The following TSC22D1 variants were observed in gnomAD, a reference collection of about 807,000 sequenced individuals.
TSC22D1 encodes TSC22 domain family member 1.
In TSC22D1, 9 loss-of-function variants were observed where a neutral mutation model predicts 74.2. The ratio of observed to expected loss-of-function variants is 0.12; its 90% CI spans 0.07 to 0.21. TSC22D1 has a LOEUF of 0.21. TSC22D1 is among the 10% of genes least tolerant of loss of function. TSC22D1 has a pLI of 1.00. For missense variants in TSC22D1, 1,427 were observed against 1,304.7 expected, an observed-to-expected ratio of 1.09 and a Z score of -1.44; for synonymous variants, 586 against 492.5, an observed-to-expected ratio of 1.19 and a Z score of -2.51.
intron 1 of TSC22D1, among the ~76,000 whole-genome samples, chr13:44,476,036 C>A (rs192792664): frequency 6.6e-6 from 1 of 152,200 alleles, no homozygotes; most frequent in Non-Finnish European, 1.5e-5. Context: ...ATATAATATA[C>A]TCTGGGGACT....
At chr13:44,453,126 A>G (rs974078970) in intron 1 of TSC22D1, among the ~76,000 whole-genome samples, 6 of 152,342 alleles carry the variant, frequency 3.9e-5, no homozygotes, top group Middle Eastern at 3.4e-3. Flanking sequence ...AAGTTATCTC[A>G]GCAAACTAGT....
At chr13:44,435,090 G>C (rs900388378) in intron 2 of TSC22D1, 3 of 535,340 alleles carry the variant, frequency 5.6e-6, no homozygotes, top group African/African-American at 2.0e-5. Flanking sequence ...CTTTGTAAAA[G>C]TCTGTGCTTC....
intron 1 of TSC22D1, among the ~76,000 whole-genome samples, chr13:44,558,237 C>T (rs1882815682): frequency 1.3e-5 from 2 of 152,212 alleles, no homozygotes; most frequent in Non-Finnish European, 1.5e-5. Flanking sequence ...TAATGGAATA[C>T]TGACTAGCTC....
chr13:44,446,353 G>A (rs2138888902), intron 1 of TSC22D1, among the ~76,000 whole-genome samples: 1 of 152,292 alleles, frequency 6.6e-6, no homozygotes, highest in African/African-American at 2.4e-5. Context: ...CCAGAAACTT[G>A]GGGTAGGGGA....
chr13:44,525,204 A>G (rs1263842176), intron 1 of TSC22D1, among the ~76,000 whole-genome samples: 1 of 152,188 alleles, frequency 6.6e-6, no homozygotes, highest in East Asian at 1.9e-4. Context: ...AGGACTACAT[A>G]CAGACTATTC....
chr13:44,489,410 G>A (rs1420793175), intron 1 of TSC22D1, among the ~76,000 whole-genome samples: 3 of 151,228 alleles, frequency 2.0e-5, no homozygotes, highest in Non-Finnish European at 4.4e-5. Context: ...ATCAATAAGA[G>A]AACAAAAATT....
intron 1 of TSC22D1, among the ~76,000 whole-genome samples, chr13:44,544,042 G>A (rs748398710): frequency 6.6e-6 from 1 of 152,174 alleles, no homozygotes; most frequent in Non-Finnish European, 1.5e-5. Context: ...GCAGTGAGCT[G>A]AGACTGTGCC....
chr13:44,574,449 T>C lies in TSC22D1; in HGVS notation c.1626A>G (p.Ser542=), dbSNP rs1884041414. 3.7e-6 allele frequency: 6 copies of C among 1,614,228 alleles called. No homozygotes were observed. The East Asian group carries it at 1.3e-4, about 36-fold the overall frequency. Residue 542 remains serine, a synonymous_variant, in exon 1 of 3, where the codon TCA becomes TCG. Coordinates refer to ENST00000458659, the MANE Select transcript of TSC22D1 (RefSeq NM_183422.4). ...AVSIPQSISQ[S]QISQVQLQSQ... ...ACTGTAATTGTACTTGTGAGATCTG[T>C]GACTGAGAAATACTCTGTGGTATAC...
chr13:44,576,181 G>A lies in TSC22D1; in HGVS notation c.-107C>T. ...GAAAACGGGACCTGACGCTCCGCCTGGCGCGATTCCTCCTTCTCCTCCTCC... is the reference window on the plus strand; with the variant it reads ...GAAAACGGGACCTGACGCTCCGCCTAGCGCGATTCCTCCTTCTCCTCCTCC... On this transcript the variant is annotated 5_prime_UTR_variant, in exon 1 of 3. Transcript: ENST00000458659. 1 of 1,395,800 alleles carries A rather than the reference G, an allele frequency of 7.2e-7. No individual in the cohort carries two copies. The allele number at this position is 1,395,800 out of a possible 1,614,324, so 86.5% of individuals were successfully genotyped here. A position where few individuals can be genotyped will look rare whatever the true frequency, so the allele number is the denominator to read the frequency against.
rs777686947 is a variant in TSC22D1, at chr13:44,574,566, TTGTTGCTGC to T, written c.1500_1508del (p.Gln507_Gln509del). On this transcript the variant is annotated inframe_deletion, in exon 1 of 3. Transcript: ENST00000458659. ...GAGCTGGTTGTTGCTGTTGTTGTTGTTGTTGCTGCTGCTGCTGCTGCACCACCACAGTAG... is the reference window on the plus strand; with the variant it reads ...GAGCTGGTTGTTGCTGTTGTTGTTGTTGCTGCTGCTGCACCACCACAGTAG... 5.6e-6 allele frequency: 9 copies of T among 1,613,922 alleles called. No homozygotes were observed. Among genetic ancestry groups the T allele is most frequent in the African/African-American group, 1.3e-5 (1 of 74,882 alleles).
chr13:44,453,950 C>T (rs1391521532), intron 1 of TSC22D1, among the ~76,000 whole-genome samples: 3 of 152,068 alleles, frequency 2.0e-5, no homozygotes, highest in East Asian at 1.9e-4. Flanking sequence ...GAATGAATTC[C>T]TTTGTTTCAT....
At chr13:44,484,961 C>T (rs1878358364) in intron 1 of TSC22D1, among the ~76,000 whole-genome samples, 1 of 152,128 alleles carries the variant, frequency 6.6e-6, no homozygotes, top group Admixed American at 6.5e-5. Flanking sequence ...TCGATTTCCT[C>T]ATTTACAAAA....
intron 1 of TSC22D1, among the ~76,000 whole-genome samples, chr13:44,456,268 G>T (rs774047207): frequency 6.6e-6 from 1 of 152,180 alleles, no homozygotes; most frequent in Non-Finnish European, 1.5e-5. Context: ...TGCTGCTGCT[G>T]GCTGGAGTAG....
At chr13:44,499,253 A>G (rs1879115033) in intron 1 of TSC22D1, among the ~76,000 whole-genome samples, 1 of 152,218 alleles carries the variant, frequency 6.6e-6, no homozygotes, top group Non-Finnish European at 1.5e-5. Flanking sequence ...TTTTTCAAAG[A>G]AAGTATTCTC....
intron 1 of TSC22D1, among the ~76,000 whole-genome samples, chr13:44,459,057 C>G (rs1412643169): frequency 2.0e-5 from 3 of 152,160 alleles, no homozygotes; most frequent in Admixed American, 2.0e-4. Flanking sequence ...GCTGCCAGTT[C>G]CGGGTGGAGT....
chr13:44,485,870 G>A (rs2137944016), intron 1 of TSC22D1, among the ~76,000 whole-genome samples: 1 of 152,100 alleles, frequency 6.6e-6, no homozygotes, highest in Non-Finnish European at 1.5e-5. Context: ...GGTAGTAGGG[G>A]AAGGTTAGGG....
In TSC22D1 at chr13:44,539,230, A is replaced by C; in HGVS notation, c.2912+33933T>G. On this transcript the variant is annotated intron_variant, in intron 1 of 2. Transcript: ENST00000458659. ...CATTCATACTTATGTTTTATTAAAGAATGGAGCCTAGAATTGACAGTAAAA... is the reference window on the plus strand; with the variant it reads ...CATTCATACTTATGTTTTATTAAAGCATGGAGCCTAGAATTGACAGTAAAA... 2.0e-6 allele frequency: 2 copies of C among 985,262 alleles called. 1 individual carries two copies. The highest frequency in any genetic ancestry group is 2.4e-6 in the Non-Finnish European group (2 of 829,814). The allele number at this position is 985,262 out of a possible 1,614,324, so 61.0% of individuals were successfully genotyped here. A position where few individuals can be genotyped will look rare whatever the true frequency, so the allele number is the denominator to read the frequency against.
At chr13:44,527,905 A>G (rs374917188) in intron 1 of TSC22D1, among the ~76,000 whole-genome samples, 7 of 152,172 alleles carry the variant, frequency 4.6e-5, no homozygotes, top group East Asian at 1.9e-4. Context: ...GAATAACTGC[A>G]TTAATCTCAA....
chr13:44,447,572 G>T (rs1875783685), intron 1 of TSC22D1, among the ~76,000 whole-genome samples: 1 of 151,902 alleles, frequency 6.6e-6, no homozygotes, highest in Non-Finnish European at 1.5e-5. Context: ...TGCTTTAAGT[G>T]TGAGAATTTT....
Sources: gnomAD v4.1 joint callset for allele counts (sites outside exome capture counted in the v4.1 genomes callset) on GRCh38, gnomAD v4.1.1 for gene constraint, MANE v1.5 for transcripts, NCBI Gene and HGNC (gene_info 2026-07-23, HGNC 2026-07-21) for gene names.